TANC2: variants seen among roughly 807,000 people sequenced by gnomAD.
TANC2 encodes the protein protein TANC2.
Under a neutral mutation model 210.5 loss-of-function variants are expected in TANC2, and 26 were observed. That is an observed-to-expected ratio of 0.12 (90% confidence interval 0.09 to 0.17). TANC2 has a LOEUF of 0.17. Ranked by LOEUF, TANC2 falls within the 10% of genes least tolerant of loss-of-function variation. The pLI is 1.00. For synonymous variants in TANC2, 931 were observed against 967.1 expected (o/e 0.96, Z 0.69); for missense variants, 2,129 against 2,608.9 (o/e 0.82, Z 4.01).
chr17:63,276,236 G>A (rs1040927430), intron 9 of TANC2, among the ~76,000 whole-genome samples: 3 of 151,950 alleles, frequency 2.0e-5, no homozygotes, highest in African/African-American at 7.2e-5. Flanking sequence ...ACTTTAAAAT[G>A]TTTTATCTTA....
Position 63,421,312 on chromosome 17 carries a change from G to A in TANC2, c.5582G>A (p.Ser1861Asn). 6.2e-7 allele frequency: 1 copy of A among 1,614,036 alleles called. No homozygotes were observed. The highest frequency in any genetic ancestry group is 8.5e-7 in the Non-Finnish European group (1 of 1,179,900). ...CCCAGGCCGTTGCTGCATTCCCAAA[G>A]TGTAGGCCTTCGCTTCTCTCCATCT... The change falls in exon 28 of 28, where the codon AGT becomes AAT. Residue 1861 changes from serine to asparagine, a missense_variant. Coordinates refer to ENST00000689528, the Ensembl canonical transcript of TANC2. This position sits in a 1 kb window ranked among gnomAD's most constrained non-coding sequence, Gnocchi z 6.9.
At chr17:63,392,313 T>A (rs1397240739) in intron 17 of TANC2, among the ~76,000 whole-genome samples, 2 of 152,214 alleles carry the variant, frequency 1.3e-5, no homozygotes, top group African/African-American at 4.8e-5. Context: ...CCCTGACTAG[T>A]TAGTTCCTCA....
chr17:63,193,464 GGTT>G lies in TANC2; in HGVS notation c.434-526_434-524del, dbSNP rs63171960. 5.9e-3 allele frequency among the ~76,000 whole-genome samples: 893 copies of G among 152,194 alleles called. 11 individuals are homozygous for G. The highest frequency in any genetic ancestry group is 0.02 in the African/African-American group (816 of 41,540). On this transcript the variant is annotated intron_variant, in intron 5 of 27. Transcript: ENST00000689528. ...ATCTTACCTTCTTAGCATTTGGAGT[GGTT>G]TACTGTGTAATACTGAATATCCTAA...
At chr17:63,145,849 A>AT (rs2039445236) in intron 4 of TANC2, among the ~76,000 whole-genome samples, 2 of 151,678 alleles carry the variant, frequency 1.3e-5, no homozygotes, top group Admixed American at 6.6e-5. Context: ...CAAGTTTATT[A>AT]TTTTTTTCAA....
At chr17:62,993,427 C>T (rs1315115207) in intron 1 of TANC2, among the ~76,000 whole-genome samples, 1 of 152,204 alleles carries the variant, frequency 6.6e-6, no homozygotes, top group African/African-American at 2.4e-5. Context: ...CTATTGCCAT[C>T]TTACCATTAA....
intron 19 of TANC2, among the ~76,000 whole-genome samples, chr17:63,403,968 A>T (rs2048420910): frequency 1.3e-5 from 2 of 152,244 alleles, no homozygotes; most frequent in South Asian, 4.1e-4. Context: ...TGTAAATTTT[A>T]CTTGCTTCTC....
chr17:63,118,299 CTT>C (rs1419038296), intron 4 of TANC2, among the ~76,000 whole-genome samples: 2 of 151,854 alleles, frequency 1.3e-5, no homozygotes, highest in Non-Finnish European at 2.9e-5. Context: ...TATTTATTGT[CTT>C]ATTTTCTCAG....
chr17:63,198,650 G>A (rs906482037), intron 6 of TANC2, among the ~76,000 whole-genome samples: 3 of 152,070 alleles, frequency 2.0e-5, no homozygotes, highest in Non-Finnish European at 4.4e-5. Context: ...AATTCAATAA[G>A]TCTGGAGTGG....
intron 5 of TANC2, among the ~76,000 whole-genome samples, chr17:63,171,625 T>C (rs186064741): frequency 6.6e-6 from 1 of 152,336 alleles, no homozygotes; most frequent in Non-Finnish European, 1.5e-5. Flanking sequence ...AGTCTAGATT[T>C]CTGTTTCTTG....
At chr17:62,980,435 T>G (rs552533551) in intron 1 of TANC2, among the ~76,000 whole-genome samples, 2 of 152,296 alleles carry the variant, frequency 1.3e-5, no homozygotes, top group East Asian at 3.9e-4. Context: ...AAAGGAAATG[T>G]TCATTGGAAG....
chr17:63,177,227 T>C (rs1417612898), intron 5 of TANC2, among the ~76,000 whole-genome samples: 1 of 144,630 alleles, frequency 6.9e-6, no homozygotes, highest in Non-Finnish European at 1.5e-5. Flanking sequence ...ACTGTGCCAT[T>C]GTACTCCAGC....
Position 63,412,210 on chromosome 17 carries a change from G to T in TANC2, c.3898+80G>T. ...AGTGGTCTGGCTGCCCTGGGTATTTGGTGTGAGTGTATATAGTTCCCCCTC... is the reference window on the plus strand; with the variant it reads ...AGTGGTCTGGCTGCCCTGGGTATTTTGTGTGAGTGTATATAGTTCCCCCTC... On this transcript the variant is annotated intron_variant, in intron 23 of 27. Coordinates refer to ENST00000689528, the Ensembl canonical transcript of TANC2. This position sits in a 1 kb window ranked among gnomAD's most constrained non-coding sequence, Gnocchi z 4.2. The T allele has an allele frequency of 6.3e-7, 1 of 1,592,774 alleles. No individual in the cohort carries two copies. The highest frequency in any genetic ancestry group is 8.6e-7 in the Non-Finnish European group (1 of 1,166,098).
intron 4 of TANC2, among the ~76,000 whole-genome samples, chr17:63,113,180 T>G (rs2038120007): frequency 6.6e-6 from 1 of 152,218 alleles, no homozygotes; most frequent in African/African-American, 2.4e-5. Flanking sequence ...TAAATTATAG[T>G]ATGGGATAAT....
intron 4 of TANC2, among the ~76,000 whole-genome samples, chr17:63,104,553 A>G (rs1250317022): frequency 6.6e-6 from 1 of 152,210 alleles, no homozygotes; most frequent in Admixed American, 6.5e-5. Context: ...AAGCTTGATC[A>G]GATTTGAAAA....
intron 9 of TANC2, among the ~76,000 whole-genome samples, chr17:63,295,081 C>T (rs980330067): frequency 2.0e-4 from 30 of 152,112 alleles, no homozygotes; most frequent in Admixed American, 1.3e-3. Context: ...TTCATATGTT[C>T]TAAATTTATA....
intron 7 of TANC2, among the ~76,000 whole-genome samples, chr17:63,222,903 A>G (rs1361090161): frequency 1.3e-5 from 2 of 152,182 alleles, no homozygotes; most frequent in African/African-American, 4.8e-5. Context: ...CCACAGATGA[A>G]TGGATAAACA....
rs932727980 is a variant in TANC2 at position 63,345,927 on chromosome 17, C to A, written c.1808-5323C>A. 2.6e-5 allele frequency among the ~76,000 whole-genome samples: 4 copies of A among 152,186 alleles called. No homozygotes were observed. The South Asian group carries it at 8.3e-4, about 32-fold the overall frequency. ...TTCCACAGACAGGATTGTATTCATA[C>A]AAGGATAGAAAATAGATCAATGGAA... On this transcript the variant is annotated intron_variant, in intron 12 of 27. Coordinates refer to ENST00000689528, the Ensembl canonical transcript of TANC2.
chr17:63,389,461 G>A (rs774928576), exon 17 of TANC2: 4 of 1,613,804 alleles, frequency 2.5e-6, no homozygotes, highest in Non-Finnish European at 2.5e-6. Context: ...TGCCTCTTCT[G>A]AAAGTGGCCT....
chr17:63,199,405 A>G (rs188614418), intron 6 of TANC2, among the ~76,000 whole-genome samples: 2 of 152,060 alleles, frequency 1.3e-5, no homozygotes, highest in Admixed American at 1.3e-4. Context: ...GGAAGTACAC[A>G]TTCAGGAGTT....
Sources: allele counts gnomAD v4.1 joint callset (sites outside exome capture counted in the v4.1 genomes callset), GRCh38; gene constraint gnomAD v4.1.1; non-coding constraint Gnocchi (gnomAD v3.1); transcripts MANE v1.5; gene names NCBI Gene and HGNC (gene_info 2026-07-23, HGNC 2026-07-21).